The following CHRNA6 variants were observed in gnomAD, a reference collection of about 807,000 sequenced individuals.
The protein encoded by CHRNA6 is cholinergic receptor nicotinic alpha 6 subunit, also known as neuronal acetylcholine receptor subunit alpha-6.
CHRNA6 carries 31 observed loss-of-function variants against 40.9 expected under a neutral mutation model. That is an observed-to-expected ratio of 0.76 (90% CI 0.57 to 1.02). The LOEUF (loss-of-function observed/expected upper bound fraction) is 1.02, where lower values mean the gene tolerates loss of function less well. Ranked by LOEUF, CHRNA6 falls within the 50% of genes least tolerant of loss-of-function variation. The pLI is 0.00. For synonymous variants in CHRNA6, 222 were observed against 221.3 expected, an observed-to-expected ratio of 1.00 and a Z score of -0.03; for missense variants, 546 against 596.6, an observed-to-expected ratio of 0.92 and a Z score of 0.88.
In CHRNA6 at chr8:42,762,477, C is replaced by T. The variant is rs185460308; in HGVS notation, c.219+2588G>A. 2.0e-4 allele frequency among the ~76,000 whole-genome samples: 31 copies of T among 152,140 alleles called. No individual in the cohort carries two copies. The East Asian group carries it at 2.3e-3, about 11-fold the overall frequency. ...CAGCCTGGCCAACATGGTGAAACCC[C>T]GTCTCTACTAAAAATACAAAAATTA... On this transcript the variant is annotated intron_variant, in intron 2 of 5. Coordinates refer to ENST00000276410, the MANE Select transcript of CHRNA6 (RefSeq NM_004198.3).
chr8:42,759,384 C>T, intron 2 of CHRNA6: 1 of 393,782 alleles, frequency 2.5e-6, no homozygotes, highest in South Asian at 3.2e-5. Flanking sequence ...TGCTTCCGAT[C>T]TCTGCAGCCC....
At chr8:42,759,194 A>T in intron 2 of CHRNA6, 81 bp from the exon 3 acceptor site, 1 of 1,075,398 alleles carries the variant, frequency 9.3e-7, no homozygotes, top group Admixed American at 1.7e-5. Flanking sequence ...ACAACTAAAA[A>T]GAACCAAATC....
chr8:42,764,107 T>G (rs1464230692), intron 2 of CHRNA6, among the ~76,000 whole-genome samples: 2 of 152,052 alleles, frequency 1.3e-5, no homozygotes, highest in Non-Finnish European at 2.9e-5. Context: ...TAGAATTTGG[T>G]CTGAGCCCTG....
At chr8:42,757,714 C>A (rs1271112023) in intron 3 of CHRNA6, among the ~76,000 whole-genome samples, 1 of 124,340 alleles carries the variant, frequency 8.0e-6, no homozygotes, top group South Asian at 2.6e-4. Context: ...GCCTAGGCGA[C>A]GGACCGGGAC....
intron 3 of CHRNA6, among the ~76,000 whole-genome samples, 183 bp from the exon 4 acceptor site, chr8:42,757,220 GC>G (rs1046182324): frequency 2.6e-5 from 4 of 151,644 alleles, no homozygotes; most frequent in African/African-American, 7.3e-5. Context: ...ACAAAAATTA[GC>G]CGGGTGTGGT....
chr8:42,760,912 G>A (rs1390181009), intron 2 of CHRNA6, among the ~76,000 whole-genome samples: 24 of 152,290 alleles, frequency 1.6e-4, no homozygotes, highest in Non-Finnish European at 1.5e-5. Context: ...CCTGGTGGCT[G>A]TTTATGTCCC....
At chr8:42,767,272 A>T (rs920096251) in intron 1 of CHRNA6, among the ~76,000 whole-genome samples, 1 of 152,212 alleles carries the variant, frequency 6.6e-6, no homozygotes, top group Non-Finnish European at 1.5e-5. Flanking sequence ...CTGCCACTTG[A>T]AACATTTTTA....
At position 42,756,284 on chromosome 8, in the gene CHRNA6, C is replaced by T; in HGVS notation, c.915G>A (p.Glu305=). 4 of 1,614,204 alleles carry T rather than the reference C, an allele frequency of 2.5e-6. No individual in the cohort carries two copies. Among genetic ancestry groups the T allele is most frequent in the Non-Finnish European group, 3.4e-6 (4 of 1,180,012 alleles). The change falls in exon 5 of 6, where the codon GAG becomes GAA. Residue 305 remains glutamate, a synonymous_variant. Transcript: ENST00000276410. ...CAAAGATCATGGTGAACAGCAGGTA[C>T]TCACCCACCAGTGGGACCACCAGAG... is the stretch of plus-strand genomic sequence containing the variant. The part of the protein sequence containing the change: ...STSLVVPLVG[E]YLLFTMIFVT...
intron 5 of CHRNA6, 104 bp from the exon 6 acceptor site, chr8:42,753,414 C>T (rs1243583074): frequency 1.0e-5 from 12 of 1,153,676 alleles, no homozygotes; most frequent in South Asian, 4.0e-5. Flanking sequence ...AAGATTTCTC[C>T]GGCACGTTTT....
chr8:42,757,787 A>C (rs901521416), intron 3 of CHRNA6, among the ~76,000 whole-genome samples: 12 of 150,248 alleles, frequency 8.0e-5, no homozygotes, highest in Non-Finnish European at 1.6e-4. Flanking sequence ...TAATCCCAGC[A>C]CGTTGGGAGG....
chr8:42,763,055 T>C (rs1400754170), intron 2 of CHRNA6, among the ~76,000 whole-genome samples: 1 of 152,230 alleles, frequency 6.6e-6, no homozygotes, highest in Non-Finnish European at 1.5e-5. Flanking sequence ...AAGTCTAGGA[T>C]GTACACTTTG....
At chr8:42,763,547 G>A (rs1816934625) in intron 2 of CHRNA6, among the ~76,000 whole-genome samples, 1 of 152,094 alleles carries the variant, frequency 6.6e-6, no homozygotes, top group South Asian at 2.1e-4. Flanking sequence ...ATGGAGAGAC[G>A]CCATGCAGTG....
At chr8:42,761,323 C>G (rs916372429) in intron 2 of CHRNA6, among the ~76,000 whole-genome samples, 3 of 152,224 alleles carry the variant, frequency 2.0e-5, no homozygotes, top group Admixed American at 6.5e-5. Context: ...TGCGGTCATG[C>G]CTTCTGGTAA....
At chr8:42,755,596 A>G (rs567512316) in intron 5 of CHRNA6, among the ~76,000 whole-genome samples, 5 of 152,228 alleles carry the variant, frequency 3.3e-5, no homozygotes, top group African/African-American at 1.2e-4. Flanking sequence ...CATTTTAAGC[A>G]AATTTTACTT....
rs55662044 is a variant in CHRNA6, at chr8:42,753,238, C to T, written c.1426G>A (p.Val476Ile). The T allele has an allele frequency of 1.4e-3, 2,212 of 1,612,116 alleles. 2 individuals carry two copies. Among genetic ancestry groups the T allele is most frequent in the Non-Finnish European group, 1.7e-3 (2,015 of 1,178,794 alleles). The change falls in exon 6 of 6, where the codon GTA becomes ATA. Residue 476 changes from valine to isoleucine, a missense_variant. This residue lies in a region of CHRNA6 where 65 missense variants were observed against 83.8 expected (regional missense o/e 0.78). Coordinates refer to ENST00000276410, the MANE Select transcript of CHRNA6 (RefSeq NM_004198.3). Reference protein sequence around the residue: ...VFLWVFIIVCVFGTAGLFLQP... With the variant: ...VFLWVFIIVCIFGTAGLFLQP... ...AGAAATAGCCCTGCAGTTCCAAATA[C>T]ACAGACAATTATAAATACCCAAAGA...
rs969770272 is a variant in CHRNA6 at position 42,752,946 on chromosome 8, G to A, written c.*233C>T. ...AAACCTGACCTGATACTGTAGCCGT[G>A]GGTGCTGCCCAATCAGGGCACTAAT... On this transcript the variant is annotated 3_prime_UTR_variant, in exon 6 of 6. Transcript: ENST00000276410. The A allele has an allele frequency of 7.8e-6, 3 of 382,852 alleles. No individual in the cohort carries two copies. Among genetic ancestry groups the A allele is most frequent in the African/African-American group, 2.1e-5 (1 of 47,166 alleles). 23.7% of individuals were successfully genotyped at this position (382,852 alleles called of 1,614,324 possible).
chr8:42,758,352 GT>G (rs113570598), intron 3 of CHRNA6, among the ~76,000 whole-genome samples: 14 of 146,384 alleles, frequency 9.6e-5, no homozygotes, highest in Admixed American at 2.0e-4. Flanking sequence ...CTTCCTTTCT[GT>G]TTTTTTTTTG....
intron 3 of CHRNA6, among the ~76,000 whole-genome samples, chr8:42,757,824 G>A (rs1390048392): frequency 1.3e-5 from 2 of 150,144 alleles, no homozygotes; most frequent in African/African-American, 4.9e-5. Context: ...ACGATGTCAG[G>A]AGATCGAGAC....
intron 2 of CHRNA6, among the ~76,000 whole-genome samples, chr8:42,760,971 C>T (rs1726995139): frequency 6.6e-6 from 1 of 152,162 alleles, no homozygotes. Context: ...ACCTTGCTTC[C>T]CAAGACACCC....
Sources: allele counts gnomAD v4.1 joint callset (sites outside exome capture counted in the v4.1 genomes callset), GRCh38; gene constraint gnomAD v4.1.1; regional missense constraint gnomAD v4.1.1; transcripts MANE v1.5; gene names NCBI Gene and HGNC (gene_info 2026-07-23, HGNC 2026-07-21).